Variants in ANKRD44 observed in about 807,000 individuals in gnomAD.
ANKRD44 encodes serine/threonine-protein phosphatase 6 regulatory ankyrin repeat subunit B.
In ANKRD44, 35 loss-of-function variants were observed where a neutral mutation model predicts 116.0. The observed-to-expected ratio is 0.30, with a 90% CI of 0.23 to 0.40. The LOEUF (loss-of-function observed/expected upper bound fraction) is 0.40, where lower values mean the gene tolerates loss of function less well. Among genes scored for constraint, ANKRD44 ranks in the 10% least tolerant of loss-of-function variants. The pLI, the probability that ANKRD44 is intolerant of heterozygous loss-of-function variation, is 1.00. For synonymous variants in ANKRD44, 435 were observed against 461.8 expected (o/e 0.94, Z 0.74); for missense variants, 1,014 against 1,242.6 (o/e 0.82, Z 2.77).
At chr2:197,219,104 T>A in intron 1 of ANKRD44, among the ~76,000 whole-genome samples, 1 of 144,926 alleles carries the variant, frequency 6.9e-6, no homozygotes, top group Non-Finnish European at 1.5e-5. Flanking sequence ...GGAGTCTTGC[T>A]CTGTCGCCAG....
chr2:197,081,306 A>T (rs1310696293), intron 15 of ANKRD44, among the ~76,000 whole-genome samples: 1 of 152,250 alleles, frequency 6.6e-6, no homozygotes, highest in African/African-American at 2.4e-5. Context: ...TCATAAGAGC[A>T]GAACCTAAGC....
chr2:197,160,166 T>A (rs2079924826), intron 2 of ANKRD44, among the ~76,000 whole-genome samples: 1 of 152,038 alleles, frequency 6.6e-6, no homozygotes, highest in East Asian at 1.9e-4. Context: ...ACGTATGAGC[T>A]GTGTGACTTT....
rs984870533 is a variant in ANKRD44 at position 196,990,917 on chromosome 2, C to T, written c.2924-1268G>A. On this transcript the variant is annotated intron_variant, in intron 27 of 27. Transcript: ENST00000282272. ...CTTTGTTAGGAGCGCAAGCCAGGGC[C>T]GGGGTATGACCTGGGCGTAAATGCA... is the stretch of plus-strand genomic sequence containing the variant. The T allele has an allele frequency of 1.8e-5, 22 of 1,232,290 alleles. No individual in the cohort carries two copies. The African/African-American group carries it at 2.2e-4, about 12-fold the overall frequency. The allele number at this position is 1,232,290 out of a possible 1,614,324, so 76.3% of individuals were successfully genotyped here.
chr2:197,043,927 G>T (rs1433968367), intron 16 of ANKRD44, among the ~76,000 whole-genome samples: 1 of 152,134 alleles, frequency 6.6e-6, no homozygotes, highest in Non-Finnish European at 1.5e-5. Context: ...ATAAAATCTA[G>T]TGCCAAAAAT....
chr2:197,174,296 G>T (rs1391182944), intron 2 of ANKRD44, among the ~76,000 whole-genome samples: 1 of 152,120 alleles, frequency 6.6e-6, no homozygotes, highest in Non-Finnish European at 1.5e-5. Context: ...AGGACAAAAG[G>T]AGGTTGATAG....
At chr2:197,051,583 T>A (rs554569892) in intron 16 of ANKRD44, among the ~76,000 whole-genome samples, 69 of 152,284 alleles carry the variant, frequency 4.5e-4, no homozygotes, top group African/African-American at 1.6e-3. Flanking sequence ...TTAATTTTTA[T>A]TTTTTGCTCT....
chr2:197,118,268 T>C (rs895457941), intron 8 of ANKRD44, among the ~76,000 whole-genome samples: 5 of 150,348 alleles, frequency 3.3e-5, no homozygotes, highest in African/African-American at 9.8e-5. Flanking sequence ...TGTATCACAA[T>C]CAGAAGACTA....
intron 8 of ANKRD44, among the ~76,000 whole-genome samples, chr2:197,119,861 GC>G (rs987614763): frequency 2.6e-5 from 4 of 152,118 alleles, no homozygotes; most frequent in African/African-American, 9.7e-5. Flanking sequence ...AAGTGATGTC[GC>G]CCAAATTATG....
chr2:197,216,869 A>AACACACACACACACACACAC (rs61641385), intron 1 of ANKRD44, among the ~76,000 whole-genome samples: 53 of 139,832 alleles, frequency 3.8e-4, no homozygotes, highest in African/African-American at 1.3e-3. Flanking sequence ...ACATTGGTTA[A>AACACACACACACACACACAC]ACACACACAC....
intron 25 of ANKRD44, among the ~76,000 whole-genome samples, chr2:196,997,823 A>AT (rs1316957989): frequency 1.3e-5 from 2 of 151,714 alleles, no homozygotes; most frequent in African/African-American, 2.4e-5. Context: ...AAAAAATCAC[A>AT]TTTTTTGCAT....
intron 16 of ANKRD44, among the ~76,000 whole-genome samples, chr2:197,060,476 T>C (rs893806601): frequency 3.3e-5 from 5 of 152,244 alleles, no homozygotes; most frequent in African/African-American, 1.2e-4. Context: ...GTGAAATGAT[T>C]ACCACAAACA....
chr2:197,212,054 A>T lies in ANKRD44; in HGVS notation c.28-24948T>A, dbSNP rs1384946088. Among the ~76,000 whole-genome samples, 10 of 150,020 alleles carry T rather than the reference A, an allele frequency of 6.7e-5. No homozygotes were observed. The highest frequency in any genetic ancestry group is 2.5e-4 in the African/African-American group (10 of 40,786). On this transcript the variant is annotated intron_variant, in intron 1 of 27. Coordinates refer to ENST00000282272, the MANE Select transcript of ANKRD44 (RefSeq NM_001195144.2). This position sits in a 1 kb window ranked among gnomAD's most constrained non-coding sequence, Gnocchi z 4.8. ...CTCTCTCTCAGTCTCTCTCTCTCTC[A>T]CACACACACACACACACACACCCCA...
At chr2:197,228,342 C>A (rs1471572915) in intron 1 of ANKRD44, among the ~76,000 whole-genome samples, 1 of 152,220 alleles carries the variant, frequency 6.6e-6, no homozygotes, top group East Asian at 1.9e-4. Flanking sequence ...AAATAGAAAT[C>A]ATTCAAGAGA....
At chr2:197,234,817 C>T (rs2081944748) in intron 1 of ANKRD44, among the ~76,000 whole-genome samples, 1 of 152,178 alleles carries the variant, frequency 6.6e-6, no homozygotes, top group Non-Finnish European at 1.5e-5. Flanking sequence ...TCCAGTATCC[C>T]CTTCCTGCCC....
chr2:197,122,399 A>G (rs2078876906), intron 7 of ANKRD44, among the ~76,000 whole-genome samples: 1 of 152,164 alleles, frequency 6.6e-6, no homozygotes, highest in Non-Finnish European at 1.5e-5. Flanking sequence ...TGGTTAATAT[A>G]TATTACATAG....
chr2:197,272,468 C>T (rs1281513530), intron 1 of ANKRD44, among the ~76,000 whole-genome samples: 1 of 152,026 alleles, frequency 6.6e-6, no homozygotes, highest in Non-Finnish European at 1.5e-5. Flanking sequence ...GAACTCCTGA[C>T]CTTGTGATCC....
intron 22 of ANKRD44, 29 bp from the exon 23 acceptor site, chr2:197,000,531 A>T: frequency 6.4e-7 from 1 of 1,557,910 alleles, no homozygotes; most frequent in South Asian, 1.1e-5. Flanking sequence ...TTAATGTAAC[A>T]ATCTCACTCT....
intron 2 of ANKRD44, among the ~76,000 whole-genome samples, chr2:197,158,244 A>G (rs1042897017): frequency 6.6e-6 from 1 of 152,210 alleles, no homozygotes; most frequent in African/African-American, 2.4e-5. Flanking sequence ...TGTTCTATGC[A>G]TGACCCCAAG....
At position 197,310,637 on chromosome 2, in the gene ANKRD44, G is replaced by T; in HGVS notation, c.-33C>A. On this transcript the variant is annotated 5_prime_UTR_variant, in exon 1 of 28. Transcript: ENST00000282272. ...CTCCTTCGCGCGCACACACATGCAG[G>T]TCCCCGGCCCGCAGATGTCACGCCG... 2 of 1,332,540 alleles carry T rather than the reference G, an allele frequency of 1.5e-6. No homozygotes were observed. The highest frequency in any genetic ancestry group is 1.5e-5 in the African/African-American group (1 of 64,598). 82.5% of individuals were successfully genotyped at this position (1,332,540 alleles called of 1,614,324 possible).
Sources: allele counts gnomAD v4.1 joint callset (sites outside exome capture counted in the v4.1 genomes callset), GRCh38; gene constraint gnomAD v4.1.1; non-coding constraint Gnocchi (gnomAD v3.1); transcripts MANE v1.5; gene names NCBI Gene and HGNC (gene_info 2026-07-23, HGNC 2026-07-21).